Variants in ITGA9 observed in about 807,000 individuals in gnomAD.
ITGA9 encodes the protein integrin subunit alpha 9, also known as integrin alpha-9.
In ITGA9, 56 loss-of-function variants were observed where a neutral mutation model predicts 127.8. The ratio of observed to expected loss-of-function variants is 0.44; its 90% CI spans 0.35 to 0.55. The LOEUF (loss-of-function observed/expected upper bound fraction) is 0.55, where lower values mean the gene tolerates loss of function less well. Among genes scored for constraint, ITGA9 ranks in the 20% least tolerant of loss-of-function variants. The pLI is 0.00. For missense variants in ITGA9, 1,196 were observed against 1,347.1 expected, an observed-to-expected ratio of 0.89 and a Z score of 1.76; for synonymous variants, 508 against 514.5, an observed-to-expected ratio of 0.99 and a Z score of 0.17.
chr3:37,729,513 T>G (rs1281165736), intron 18 of ITGA9, among the ~76,000 whole-genome samples: 1 of 152,180 alleles, frequency 6.6e-6, no homozygotes, highest in Non-Finnish European at 1.5e-5. Flanking sequence ...AATGTTACGT[T>G]CTAGCATTTG....
chr3:37,490,914 T>G (rs1490990273), intron 4 of ITGA9, among the ~76,000 whole-genome samples: 2 of 150,460 alleles, frequency 1.3e-5, no homozygotes, highest in African/African-American at 4.9e-5. Flanking sequence ...CTCCTCTAAG[T>G]GACTTCTAAG....
At chr3:37,588,162 T>C (rs1166490422) in intron 15 of ITGA9, among the ~76,000 whole-genome samples, 1 of 152,208 alleles carries the variant, frequency 6.6e-6, no homozygotes, top group African/African-American at 2.4e-5. Flanking sequence ...TATTTAAAGA[T>C]TACAAATCAA....
At chr3:37,732,098 G>A (rs560341185) in intron 18 of ITGA9, among the ~76,000 whole-genome samples, 40 of 152,272 alleles carry the variant, frequency 2.6e-4, no homozygotes, top group African/African-American at 9.1e-4. Flanking sequence ...ATGTGCCCAG[G>A]TGGAAAGACA....
chr3:37,818,198 A>T (rs1158440876), intron 27 of ITGA9: 1 of 148,634 alleles, frequency 6.7e-6, no homozygotes, highest in African/African-American at 2.5e-5. Context: ...CTCTAAAAAA[A>T]AAAAAAAAAA....
chr3:37,490,056 C>T (rs1181668994), intron 4 of ITGA9, among the ~76,000 whole-genome samples: 1 of 152,028 alleles, frequency 6.6e-6, no homozygotes, highest in African/African-American at 2.4e-5. Flanking sequence ...GACTACGATC[C>T]TGAGTGGCGG....
At chr3:37,615,073 G>A (rs1700060745) in intron 15 of ITGA9, among the ~76,000 whole-genome samples, 1 of 152,130 alleles carries the variant, frequency 6.6e-6, no homozygotes, top group Non-Finnish European at 1.5e-5. Context: ...TCCAGTTTTT[G>A]CCCATTCAGT....
At chr3:37,802,165 C>T (rs560512013) in intron 26 of ITGA9, among the ~76,000 whole-genome samples, 36 of 152,126 alleles carry the variant, frequency 2.4e-4, no homozygotes, top group Admixed American at 6.5e-4. Flanking sequence ...ATGTTCCCCT[C>T]TGTAAAATGG....
At chr3:37,485,202 G>C (rs972929402) in intron 4 of ITGA9, among the ~76,000 whole-genome samples, 14 of 152,198 alleles carry the variant, frequency 9.2e-5, no homozygotes, top group African/African-American at 3.1e-4. Flanking sequence ...GTGCAAGGTG[G>C]CATTATTTCA....
chr3:37,706,726 C>G (rs182885010), intron 18 of ITGA9, among the ~76,000 whole-genome samples: 163 of 152,182 alleles, frequency 1.1e-3, no homozygotes, highest in African/African-American at 3.6e-3. Flanking sequence ...CAGAGTTGGG[C>G]CAGAAAGAAG....
chr3:37,610,502 C>T (rs772846907), intron 15 of ITGA9, among the ~76,000 whole-genome samples: 1 of 152,190 alleles, frequency 6.6e-6, no homozygotes, highest in Non-Finnish European at 1.5e-5. Flanking sequence ...TAAATCCTAA[C>T]AGCTTAAACA....
rs114636411 is a variant in ITGA9, at chr3:37,809,701, A to G, written c.3009+5759A>G. 2.4e-3 allele frequency among the ~76,000 whole-genome samples: 364 copies of G among 152,262 alleles called. 4 individuals carry two copies. Among genetic ancestry groups the G allele is most frequent in the African/African-American group, 8.3e-3 (343 of 41,548 alleles). On this transcript the variant is annotated intron_variant, in intron 27 of 27. Coordinates refer to ENST00000264741, the MANE Select transcript of ITGA9 (RefSeq NM_002207.3). ...TCAAAAGACTTTATAAGAGGTTAAA[A>G]GGGCAATTGAAATGTAGGATTATTT...
In ITGA9 at chr3:37,599,962, G is replaced by A. The variant is rs558587991; in HGVS notation, c.1690-29225G>A. ...AATATGAACTCAGGAGTTGAGATTC[G>A]TAAAGCAGTAAGGAATGCATAGTCA... On this transcript the variant is annotated intron_variant, in intron 15 of 27. Transcript: ENST00000264741. 3.9e-5 allele frequency among the ~76,000 whole-genome samples: 6 copies of A among 152,230 alleles called. No individual in the cohort carries two copies. In the South Asian group the frequency reaches 1.0e-3, roughly 26 times the overall value.
At chr3:37,463,161 G>A (rs536106450) in intron 1 of ITGA9, among the ~76,000 whole-genome samples, 5 of 152,300 alleles carry the variant, frequency 3.3e-5, no homozygotes, top group South Asian at 2.1e-4. Context: ...TGGACTTAGC[G>A]GGAATTAGTG....
At chr3:37,630,781 G>A (rs1023860799) in intron 16 of ITGA9, among the ~76,000 whole-genome samples, 2 of 152,224 alleles carry the variant, frequency 1.3e-5, no homozygotes, top group Non-Finnish European at 2.9e-5. Context: ...AGTGCCCCAG[G>A]AGAGTGGCCT....
intron 11 of ITGA9, among the ~76,000 whole-genome samples, chr3:37,521,044 A>C (rs1300954959): frequency 6.6e-6 from 1 of 152,152 alleles, no homozygotes; most frequent in Non-Finnish European, 1.5e-5. Flanking sequence ...CAGGGATAGC[A>C]TCTGGACCAG....
Position 37,499,709 on chromosome 3 carries a change from C to T in ITGA9, c.613-3469C>T, listed in dbSNP as rs144142328. Among the ~76,000 whole-genome samples, 6 of 152,242 alleles carry T rather than the reference C, an allele frequency of 3.9e-5. No homozygotes were observed. The East Asian group carries it at 1.2e-3, about 29-fold the overall frequency. On this transcript the variant is annotated intron_variant, in intron 5 of 27. Coordinates refer to ENST00000264741, the MANE Select transcript of ITGA9 (RefSeq NM_002207.3). ...AGCCCTGAGGGTCGCAGGCTTGGCC[C>T]TGTTTTATGTAGTATGGGCTGAAGG...
intron 1 of ITGA9, among the ~76,000 whole-genome samples, chr3:37,464,201 G>A (rs982815284): frequency 1.3e-5 from 2 of 150,428 alleles, no homozygotes; most frequent in Non-Finnish European, 3.0e-5. Flanking sequence ...AGATTTTTTT[G>A]TGCTAGTTCT....
At chr3:37,553,557 C>G (rs1699399006) in intron 15 of ITGA9, among the ~76,000 whole-genome samples, 1 of 152,218 alleles carries the variant, frequency 6.6e-6, no homozygotes, top group Non-Finnish European at 1.5e-5. Flanking sequence ...CATATACATC[C>G]AACATCACTG....
intron 4 of ITGA9, among the ~76,000 whole-genome samples, chr3:37,490,975 C>CCCCCCCT (rs548395527): frequency 9.5e-6 from 1 of 105,104 alleles, no homozygotes; most frequent in African/African-American, 3.6e-5. Context: ...TTCCCCCCCG[C>CCCCCCCT]TTTTTTTTTT....
Sources: allele counts gnomAD v4.1 joint callset (sites outside exome capture counted in the v4.1 genomes callset), GRCh38; gene constraint gnomAD v4.1.1; transcripts MANE v1.5; gene names NCBI Gene and HGNC (gene_info 2026-07-23, HGNC 2026-07-21).